The following RASGRP4 variants were observed in gnomAD, a reference collection of about 807,000 sequenced individuals.
RASGRP4 encodes the protein RAS guanyl releasing protein 4, also known as RAS guanyl-releasing protein 4.
In RASGRP4, 52 loss-of-function variants were observed where a neutral mutation model predicts 84.4. The observed-to-expected ratio is 0.62, with a 90% CI of 0.49 to 0.78. RASGRP4 has a LOEUF of 0.78. RASGRP4 is among the 30% of genes least tolerant of loss of function. RASGRP4 has a pLI of 0.00. For synonymous variants in RASGRP4, 356 were observed against 359.1 expected (o/e 0.99, Z 0.10); for missense variants, 760 against 886.9 (o/e 0.86, Z 1.82).
At chr19:38,423,834 C>T (rs1971868192) in intron 1 of RASGRP4, among the ~76,000 whole-genome samples, 1 of 151,792 alleles carries the variant, frequency 6.6e-6, no homozygotes, top group South Asian at 2.1e-4. Context: ...GAGTCTTAGT[C>T]TCAAAATAAT....
chr19:38,420,131 A>G lies in RASGRP4; in HGVS notation c.509T>C (p.Leu170Pro), dbSNP rs765639885. 8.1e-6 allele frequency: 13 copies of G among 1,611,890 alleles called. No individual in the cohort carries two copies. In the East Asian group the frequency reaches 2.7e-4, roughly 33 times the overall value. Residue 170 changes from leucine to proline, a missense_variant and splice_region_variant, in exon 5 of 17, where the codon CTC becomes CCC. By Grantham distance (98) the Leu-to-Pro change is moderately conservative. Coordinates refer to ENST00000615439, the MANE Select transcript of RASGRP4 (RefSeq NM_170604.3). ...AGAGGGGAGCACAGGGCTGACTCACAGGTCAGAAGAGTCTCCCAGTCTTCT... is the reference window on the plus strand; with the variant it reads ...AGAGGGGAGCACAGGGCTGACTCACGGGTCAGAAGAGTCTCCCAGTCTTCT... ...AQRRLGDSSD[L>P]LSPGGPGPPL...
intron 8 of RASGRP4, 57 bp downstream of exon 8, chr19:38,416,995 T>C: frequency 9.9e-7 from 1 of 1,007,546 alleles, no homozygotes; most frequent in Non-Finnish European, 1.5e-6. Context: ...GGGAATTAGG[T>C]GTGGGGGCTC....
In RASGRP4 at chr19:38,413,237, G is replaced by C. The variant is rs1380421516; in HGVS notation, c.1372C>G (p.Pro458Ala). ...TGCCGACCCAGTGTGACCCTGTCCGGCTTGGGTGTCACACCAGGGGCCCAC... is the reference window on the plus strand; with the variant it reads ...TGCCGACCCAGTGTGACCCTGTCCGCCTTGGGTGTCACACCAGGGGCCCAC... ...VEWAPGVTPKPDRVTLGRHVE... is the reference protein window; with the variant it reads ...VEWAPGVTPKADRVTLGRHVE... The change falls in exon 11 of 17, where the codon CCG becomes GCG. Residue 458 changes from proline (P) to alanine (A), a missense_variant. By Grantham distance (27) the Pro-to-Ala change is conservative. Transcript: ENST00000615439. This position sits in a 1 kb window ranked among gnomAD's most constrained non-coding sequence, Gnocchi z 4.7. The C allele has an allele frequency of 6.2e-7, 1 of 1,613,666 alleles. No homozygotes were observed. The highest frequency in any genetic ancestry group is 1.3e-5 in the African/African-American group (1 of 74,904).
rs899028045 is a variant in RASGRP4, at chr19:38,418,329, G to C, written c.837+62C>G. The stretch of plus-strand genomic sequence containing the variant: ...ATGACCCTGTGGGGTCGAGGGTCTG[G>C]AAGGGGAAGGACCAGGTGGCTGCGT... On this transcript the variant is annotated intron_variant, in intron 7 of 16. Transcript: ENST00000615439. This position sits in a 1 kb window ranked among gnomAD's most constrained non-coding sequence, Gnocchi z 4.6. 6 of 1,527,866 alleles carry C rather than the reference G, an allele frequency of 3.9e-6. No individual in the cohort carries two copies. The highest frequency in any genetic ancestry group is 5.3e-6 in the Non-Finnish European group (6 of 1,125,096). 94.6% of individuals were successfully genotyped at this position (1,527,866 alleles called of 1,614,324 possible). A position where few individuals can be genotyped will look rare whatever the true frequency, so the allele number is the denominator to read the frequency against.
rs1971327712 is a variant in RASGRP4 at position 38,412,921 on chromosome 19, A to T, written c.1535+10T>A. On this transcript the variant is annotated intron_variant, in intron 12 of 16. Transcript: ENST00000615439. The surrounding 1 kb of genome is among the most constrained non-coding windows in gnomAD (Gnocchi z 4.6). ...CATCTTCGGAGGATCCAGGAGTCAC[A>T]ACCACTTACCCCTGGCGTGGGGGTG... is the stretch of plus-strand genomic sequence containing the variant. 1 of 1,613,616 alleles carries T rather than the reference A, an allele frequency of 6.2e-7. No individual in the cohort carries two copies.
chr19:38,422,280 C>A, intron 1 of RASGRP4, 127 bp from the exon 2 acceptor site: 1 of 775,468 alleles, frequency 1.3e-6, no homozygotes, highest in South Asian at 1.9e-5. Flanking sequence ...CCAGGGTTAC[C>A]CCTGACCTAC....
chr19:38,417,484 G>A lies in RASGRP4; in HGVS notation c.838-316C>T, dbSNP rs1971547170. On this transcript the variant is annotated intron_variant, in intron 7 of 16. Transcript: ENST00000615439. This position sits in a 1 kb window ranked among gnomAD's most constrained non-coding sequence, Gnocchi z 5.1. ...ATAGACAGGTGTGTGTCAGGTGGAG[G>A]AGGCTTCAGACATGTCAGGGTGTCA... 6.6e-6 allele frequency among the ~76,000 whole-genome samples: 1 copy of A among 152,180 alleles called. No individual in the cohort carries two copies. Among genetic ancestry groups the A allele is most frequent in the Non-Finnish European group, 1.5e-5 (1 of 68,026 alleles).
At chr19:38,415,462 T>C (rs560573740) in intron 8 of RASGRP4, among the ~76,000 whole-genome samples, 8 of 144,664 alleles carry the variant, frequency 5.5e-5, no homozygotes, top group African/African-American at 2.1e-4. Context: ...CACCTCCACC[T>C]CCTGGGTTCA....
intron 8 of RASGRP4, 52 bp downstream of exon 8, chr19:38,417,000 G>T: frequency 1.9e-6 from 2 of 1,077,986 alleles, no homozygotes; most frequent in East Asian, 5.2e-5. Context: ...TTAGGTGTGG[G>T]GGCTCAAGAC....
chr19:38,418,985 ATGAAT>A lies in RASGRP4; in HGVS notation c.664-426_664-422del. On this transcript the variant is annotated intron_variant, in intron 6 of 16. Coordinates refer to ENST00000615439, the MANE Select transcript of RASGRP4 (RefSeq NM_170604.3). This position sits in a 1 kb window ranked among gnomAD's most constrained non-coding sequence, Gnocchi z 4.6. Reference sequence around the variant, plus strand: ...GTAAGCAAAGGGAAGGCTGGGGAAGATGAATTGAAATCAACCTCTATCTGTTCTGC... The same window carrying A: ...GTAAGCAAAGGGAAGGCTGGGGAAGATGAAATCAACCTCTATCTGTTCTGC... Among the ~76,000 whole-genome samples the A allele has an allele frequency of 6.6e-6, 1 of 152,158 alleles. No homozygotes were observed. Among genetic ancestry groups the A allele is most frequent in the Non-Finnish European group, 1.5e-5 (1 of 68,032 alleles).
In RASGRP4 at chr19:38,412,236, G is replaced by A. The variant is rs924360917; in HGVS notation, c.1680+436C>T. ...GGGTTCAAGCAATTCTCGTGCCTCA[G>A]CCTCCTGAGTAGCTGGGATCACAGG... On this transcript the variant is annotated intron_variant, in intron 13 of 16. Coordinates refer to ENST00000615439, the MANE Select transcript of RASGRP4 (RefSeq NM_170604.3). This position sits in a 1 kb window ranked among gnomAD's most constrained non-coding sequence, Gnocchi z 4.6. 2.6e-5 allele frequency among the ~76,000 whole-genome samples: 4 copies of A among 152,220 alleles called. No individual in the cohort carries two copies. Among genetic ancestry groups the A allele is most frequent in the South Asian group, 4.1e-4 (2 of 4,826 alleles).
chr19:38,424,617 G>GT (rs1491319536), intron 1 of RASGRP4, among the ~76,000 whole-genome samples: 2 of 73,276 alleles, frequency 2.7e-5, no homozygotes, highest in Admixed American at 2.5e-4. Context: ...GTGTGTCAAT[G>GT]GGGGGGGGGG....
In RASGRP4 at chr19:38,411,201, T is replaced by C. The variant is rs1971240066; in HGVS notation, c.1766A>G (p.Glu589Gly). Residue 589 changes from glutamate (E) to glycine (G), a missense_variant, in exon 15 of 17, where the codon GAA becomes GGA. Coordinates refer to ENST00000615439, the MANE Select transcript of RASGRP4 (RefSeq NM_170604.3). Reference protein sequence around the residue: ...HKHCRDQVKVECKKRPGAKGD... With the variant: ...HKHCRDQVKVGCKKRPGAKGD... ...CTTGGCCCCTGGCCTCTTCTTACAT[T>C]CTACCTTCACCTGGTCTCTGCAGTG... 1 of 1,613,914 alleles carries C rather than the reference T, an allele frequency of 6.2e-7. No homozygotes were observed. The highest frequency in any genetic ancestry group is 8.5e-7 in the Non-Finnish European group (1 of 1,179,870).
chr19:38,418,475 G>A lies in RASGRP4; in HGVS notation c.753C>T (p.Ser251=), dbSNP rs1177640633. Residue 251 remains serine (S), a synonymous_variant, in exon 7 of 17, where the codon TCC becomes TCT. Coordinates refer to ENST00000615439, the MANE Select transcript of RASGRP4 (RefSeq NM_170604.3). This position sits in a 1 kb window ranked among gnomAD's most constrained non-coding sequence, Gnocchi z 4.6. ...TCAGCACCATCACCTGCACCCAGCG[G>A]GACACGCTGTTGCTGAGACCTACGG... ...EGSVGLSNSV[S]RWVQVMVLSR... The A allele has an allele frequency of 6.3e-7, 1 of 1,587,294 alleles. No individual in the cohort carries two copies. The highest frequency in any genetic ancestry group is 1.8e-5 in the Admixed American group (1 of 56,104).
At chr19:38,410,192 G>T in intron 16 of RASGRP4, 96 bp from the exon 17 acceptor site, 2 of 928,938 alleles carry the variant, frequency 2.2e-6, no homozygotes, top group Non-Finnish European at 3.3e-6. Flanking sequence ...TCCCTGCCCA[G>T]ACTGGTAAGT....
chr19:38,411,048 T>G, intron 15 of RASGRP4, 50 bp from the exon 16 acceptor site: 1 of 1,611,072 alleles, frequency 6.2e-7, no homozygotes, highest in Non-Finnish European at 8.5e-7. Flanking sequence ...AAGGACCTCT[T>G]CTTGACCTTG....
chr19:38,420,091 G>A, intron 5 of RASGRP4, 40 bp downstream of exon 5: 1 of 1,608,096 alleles, frequency 6.2e-7, no homozygotes, highest in Non-Finnish European at 8.5e-7. Context: ...TGGCAGAATG[G>A]CGATGGGGCA....
chr19:38,422,483 G>A (rs1182976976), intron 1 of RASGRP4, among the ~76,000 whole-genome samples: 2 of 152,122 alleles, frequency 1.3e-5, no homozygotes, highest in African/African-American at 2.4e-5. Context: ...AGGAACCAGC[G>A]GGCAAGCAAG....
chr19:38,421,493 T>C (rs1353424689), intron 2 of RASGRP4, among the ~76,000 whole-genome samples: 2 of 152,130 alleles, frequency 1.3e-5, no homozygotes, highest in East Asian at 1.9e-4. Context: ...GGGCGGATCA[T>C]ATGAGGCCAG....
Sources: gnomAD v4.1 joint callset for allele counts (sites outside exome capture counted in the v4.1 genomes callset) on GRCh38, gnomAD v4.1.1 for gene constraint, Gnocchi (gnomAD v3.1) non-coding constraint, MANE v1.5 for transcripts, NCBI Gene and HGNC (gene_info 2026-07-23, HGNC 2026-07-21) for gene names.